Variants in TBC1D23 observed in about 807,000 individuals in gnomAD.
TBC1D23 encodes TBC1 domain family member 23.
TBC1D23 carries 55 observed loss-of-function variants against 91.4 expected under a neutral mutation model. The ratio of observed to expected loss-of-function variants is 0.60; its 90% CI spans 0.48 to 0.75. The LOEUF (loss-of-function observed/expected upper bound fraction) is 0.75, where lower values mean the gene tolerates loss of function less well. Ranked by LOEUF, TBC1D23 falls within the 30% of genes least tolerant of loss-of-function variation. The pLI, the probability that TBC1D23 is intolerant of heterozygous loss-of-function variation, is 0.00. For missense variants in TBC1D23, 725 were observed against 836.1 expected (o/e 0.87, Z 1.64); for synonymous variants, 289 against 281.0 (o/e 1.03, Z -0.28).
chr3:100,315,154 CTTTTTTTTTTTTTTT>C lies in TBC1D23; in HGVS notation c.1599-934_1599-920del, dbSNP rs397705981. Among the ~76,000 whole-genome samples, 668 of 73,738 alleles carry C rather than the reference CTTTTTTTTTTTTTTT, an allele frequency of 9.1e-3. 25 individuals are homozygous for C. The Admixed American group carries it at 0.11, about 12-fold the overall frequency. 48.4% of individuals were successfully genotyped at this position (73,738 alleles called of 152,430 possible). A position where few individuals can be genotyped will look rare whatever the true frequency, so the allele number is the denominator to read the frequency against. On this transcript the variant is annotated intron_variant, in intron 15 of 18. Coordinates refer to ENST00000394144, the MANE Select transcript of TBC1D23 (RefSeq NM_001199198.3). Reference sequence around the variant, plus strand: ...CTGCCTTTTGAAAAAGAGGCAGATTCTTTTTTTTTTTTTTTTTTTTTTTTTGAAATGGAGTTTCAC... The same window carrying C: ...CTGCCTTTTGAAAAAGAGGCAGATTCTTTTTTTTTTGAAATGGAGTTTCAC...
chr3:100,281,314 A>G (rs896957868), intron 2 of TBC1D23, among the ~76,000 whole-genome samples: 3 of 152,198 alleles, frequency 2.0e-5, no homozygotes, highest in African/African-American at 7.2e-5. Flanking sequence ...CTTTAAATCA[A>G]TACAGTTTAT....
chr3:100,278,676 G>A (rs369088552), intron 1 of TBC1D23, among the ~76,000 whole-genome samples: 4 of 152,120 alleles, frequency 2.6e-5, no homozygotes, highest in South Asian at 2.1e-4. Flanking sequence ...GAGCCACTGC[G>A]CCCAGCTGGA....
intron 18 of TBC1D23, among the ~76,000 whole-genome samples, chr3:100,323,260 T>C (rs559312383): frequency 1.2e-4 from 19 of 152,338 alleles, no homozygotes; most frequent in African/African-American, 4.3e-4. Flanking sequence ...TACATCTGTA[T>C]TGGGGAGTGG....
chr3:100,322,672 ACTCT>A (rs1256072815), intron 18 of TBC1D23, among the ~76,000 whole-genome samples: 1 of 152,102 alleles, frequency 6.6e-6, no homozygotes, highest in East Asian at 1.9e-4. Flanking sequence ...TTGAATTATG[ACTCT>A]CTCATGTATA....
intron 9 of TBC1D23, among the ~76,000 whole-genome samples, 180 bp downstream of exon 9, chr3:100,298,225 G>A (rs1705343145): frequency 6.6e-6 from 1 of 152,148 alleles, no homozygotes; most frequent in South Asian, 2.1e-4. Flanking sequence ...TTGTCAGCTT[G>A]TGTGGTGTTT....
At chr3:100,300,060 T>C (rs560988862) in intron 10 of TBC1D23, among the ~76,000 whole-genome samples, 131 of 152,324 alleles carry the variant, frequency 8.6e-4, no homozygotes, top group Non-Finnish European at 1.4e-3. Context: ...AATAAACTAA[T>C]ATTTAATAAG....
At chr3:100,294,258 T>G (rs761485579) in intron 5 of TBC1D23, among the ~76,000 whole-genome samples, 21 of 151,644 alleles carry the variant, frequency 1.4e-4, no homozygotes, top group Non-Finnish European at 2.8e-4. Context: ...TATTTTTTTT[T>G]GTGTTTATTT....
In TBC1D23 at chr3:100,324,918, C is replaced by G. The variant is rs1705924340; in HGVS notation, c.*1250C>G. 1 of 152,138 alleles carries G rather than the reference C, an allele frequency of 6.6e-6. No homozygotes were observed. Among genetic ancestry groups the G allele is most frequent in the Non-Finnish European group, 1.5e-5 (1 of 68,016 alleles). 9.4% of individuals were successfully genotyped at this position (152,138 alleles called of 1,614,324 possible). A position where few individuals can be genotyped will look rare whatever the true frequency, so the allele number is the denominator to read the frequency against. ...TAGATGTACCCTGTTAACAGCCAGT[C>G]ATTTTGATTTACTTATGGAAATCAA... On this transcript the variant is annotated 3_prime_UTR_variant, in exon 19 of 19. Coordinates refer to ENST00000394144, the MANE Select transcript of TBC1D23 (RefSeq NM_001199198.3).
rs2148861401 is a variant in TBC1D23, at chr3:100,295,120, G to A, written c.634G>A (p.Glu212Lys). 1 of 1,602,456 alleles carries A rather than the reference G, an allele frequency of 6.2e-7. No homozygotes were observed. Among genetic ancestry groups the A allele is most frequent in the Non-Finnish European group, 8.5e-7 (1 of 1,176,912 alleles). The change falls in exon 6 of 19, where the codon GAA becomes AAA. Residue 212 changes from glutamate to lysine, a missense_variant. By Grantham distance (56) the Glu-to-Lys change is moderately conservative. Coordinates refer to ENST00000394144, the MANE Select transcript of TBC1D23 (RefSeq NM_001199198.3). ...TCTTTTTGCATGTTACTGTTCCACT[G>A]AAGTCACTCAGGCAATATGGGATGG... ...GSLFACYCST[E>K]VTQAIWDGYL...
At chr3:100,296,735 C>T (rs1484569581) in intron 8 of TBC1D23, among the ~76,000 whole-genome samples, 1 of 151,754 alleles carries the variant, frequency 6.6e-6, no homozygotes, top group African/African-American at 2.4e-5. Flanking sequence ...TGGTGGGCGC[C>T]TGTAGTCCCA....
At chr3:100,273,025 C>G (rs1209367505) in intron 1 of TBC1D23, among the ~76,000 whole-genome samples, 1 of 152,168 alleles carries the variant, frequency 6.6e-6, no homozygotes, top group Admixed American at 6.5e-5. Flanking sequence ...ACTAATCCTC[C>G]TCAGCACAGA....
rs948616779 is a variant in TBC1D23 at position 100,300,523 on chromosome 3, CAG to C, written c.1092+1195_1092+1196del. 6.0e-4 allele frequency among the ~76,000 whole-genome samples: 75 copies of C among 125,030 alleles called. 1 individual carries two copies. In the East Asian group the frequency reaches 0.014, roughly 23 times the overall value. 82.0% of individuals were successfully genotyped at this position (125,030 alleles called of 152,430 possible). ...ATTTTTTTTTTTTTTTTTTTTGAGACAGAGTTTCTACTCTGCCACTCAGGCTG... is the reference window on the plus strand; with the variant it reads ...ATTTTTTTTTTTTTTTTTTTTGAGACAGTTTCTACTCTGCCACTCAGGCTG... On this transcript the variant is annotated intron_variant, in intron 10 of 18. Transcript: ENST00000394144.
intron 18 of TBC1D23, among the ~76,000 whole-genome samples, chr3:100,321,956 C>T (rs1160152374): frequency 6.6e-6 from 1 of 151,332 alleles, no homozygotes; most frequent in African/African-American, 2.4e-5. Flanking sequence ...TGTATCTTCT[C>T]AGATTTTTTT....
At chr3:100,285,627 A>T (rs2067734815) in intron 4 of TBC1D23, among the ~76,000 whole-genome samples, 1 of 152,174 alleles carries the variant, frequency 6.6e-6, no homozygotes, top group Non-Finnish European at 1.5e-5. Flanking sequence ...TATGGTAATT[A>T]TGTTTAACCT....
chr3:100,277,124 T>A (rs1178398565), intron 1 of TBC1D23, among the ~76,000 whole-genome samples: 2 of 152,222 alleles, frequency 1.3e-5, no homozygotes, highest in Non-Finnish European at 2.9e-5. Flanking sequence ...AGAATTGTAT[T>A]ACTTGTTTAA....
chr3:100,266,869 T>C (rs2067562342), intron 1 of TBC1D23, among the ~76,000 whole-genome samples: 1 of 152,226 alleles, frequency 6.6e-6, no homozygotes, highest in South Asian at 2.1e-4. Context: ...TGCACAGTGC[T>C]GAAATGTGGA....
At position 100,294,027 on chromosome 3, in the gene TBC1D23, C is replaced by T. The variant is rs16842079; in HGVS notation, c.601-1060C>T. Among the ~76,000 whole-genome samples the T allele has an allele frequency of 3.1e-3, 467 of 152,196 alleles. 7 individuals are homozygous for T. The highest frequency in any genetic ancestry group is 0.019 in the Admixed American group (284 of 15,290). On this transcript the variant is annotated intron_variant, in intron 5 of 18. Transcript: ENST00000394144. ...ATAGTTTAGTATTAGCTTAGTATTG[C>T]ACAAAGAGTGCACTAAATATATGTG...
intron 1 of TBC1D23, among the ~76,000 whole-genome samples, chr3:100,275,049 T>C (rs561375997): frequency 1.4e-4 from 21 of 152,082 alleles, no homozygotes; most frequent in African/African-American, 4.6e-4. Context: ...TTTCAGGATA[T>C]GGAATTGCTG....
rs1257512730 is a variant in TBC1D23, at chr3:100,323,637, T to C, written c.2069T>C (p.Ile690Thr). 6 of 1,537,324 alleles carry C rather than the reference T, an allele frequency of 3.9e-6. No homozygotes were observed. In the Admixed American group the frequency reaches 9.6e-5, roughly 25 times the overall value. ...GCAACTAAAGCCATAAAACAGCAGATCATGAAAGTTTTGGATGCTTTGGAA... is the reference window on the plus strand; with the variant it reads ...GCAACTAAAGCCATAAAACAGCAGACCATGAAAGTTTTGGATGCTTTGGAA... ...GDATKAIKQQ[I>T]MKVLDALES Residue 690 changes from isoleucine (I) to threonine (T), a missense_variant, in exon 19 of 19, where the codon ATC becomes ACC. By Grantham distance (89) the Ile-to-Thr change is moderately conservative (BLOSUM62 -1). Transcript: ENST00000394144.
Sources: gnomAD v4.1 joint callset for allele counts (sites outside exome capture counted in the v4.1 genomes callset) on GRCh38, gnomAD v4.1.1 for gene constraint, MANE v1.5 for transcripts, NCBI Gene and HGNC (gene_info 2026-07-23, HGNC 2026-07-21) for gene names.